Variants in CSMD1 observed in about 807,000 individuals in gnomAD.
The protein encoded by CSMD1 is CUB and Sushi multiple domains 1, also known as CUB and sushi domain-containing protein 1.
Under a neutral mutation model 417.5 loss-of-function variants are expected in CSMD1, and 213 were observed. The ratio of observed to expected loss-of-function variants is 0.51; its 90% CI spans 0.46 to 0.57. CSMD1 has a LOEUF of 0.57. CSMD1 is among the 20% of genes least tolerant of loss of function. The pLI, the probability that CSMD1 is intolerant of heterozygous loss-of-function variation, is 0.00. For missense variants in CSMD1, 6,923 were observed against 4,529.7 expected, an observed-to-expected ratio of 1.53 and a Z score of -15.17; for synonymous variants, 2,862 against 1,736.8, an observed-to-expected ratio of 1.65 and a Z score of -16.11.
At chr8:4,068,655 T>TA (rs1043716161) in intron 3 of CSMD1, among the ~76,000 whole-genome samples, 79 of 151,818 alleles carry the variant, frequency 5.2e-4, no homozygotes, top group African/African-American at 1.1e-3. Context: ...GAGTTTAAGA[T>TA]AAAAAAAATG....
chr8:4,758,181 C>A (rs1329799733), intron 1 of CSMD1, among the ~76,000 whole-genome samples: 3 of 152,086 alleles, frequency 2.0e-5, no homozygotes, highest in African/African-American at 7.2e-5. Context: ...GCATTTCCTT[C>A]TGATAACAAG....
intron 3 of CSMD1, among the ~76,000 whole-genome samples, chr8:4,408,034 C>T (rs1314968882): frequency 1.3e-5 from 2 of 152,170 alleles, no homozygotes; most frequent in African/African-American, 2.4e-5. Context: ...ACTCACCCTC[C>T]TCCCCTCCCC....
chr8:4,952,327 G>A (rs904535905), intron 1 of CSMD1, among the ~76,000 whole-genome samples: 4 of 122,400 alleles, frequency 3.3e-5, no homozygotes, highest in Non-Finnish European at 6.9e-5. Flanking sequence ...TTTTGGGAAT[G>A]AAAACAAACC....
intron 2 of CSMD1, among the ~76,000 whole-genome samples, chr8:4,568,257 C>G (rs60176822): frequency 0.039 from 5,891 of 152,074 alleles, 334 homozygotes; most frequent in African/African-American, 0.13. Flanking sequence ...AGGGATTTCC[C>G]CTAATGCTAT....
chr8:4,717,812 G>A (rs950846675), intron 1 of CSMD1, among the ~76,000 whole-genome samples: 1 of 152,104 alleles, frequency 6.6e-6, no homozygotes, highest in African/African-American at 2.4e-5. Flanking sequence ...GACCCTTTCA[G>A]ATCTTACCGC....
At chr8:4,288,149 G>C (rs1249227684) in intron 3 of CSMD1, among the ~76,000 whole-genome samples, 1 of 152,076 alleles carries the variant, frequency 6.6e-6, no homozygotes, top group African/African-American at 2.4e-5. Context: ...GTTTGACTGA[G>C]AAAAGAAAAC....
At chr8:4,280,718 G>A (rs1397201607) in intron 3 of CSMD1, among the ~76,000 whole-genome samples, 1 of 152,126 alleles carries the variant, frequency 6.6e-6, no homozygotes, top group Non-Finnish European at 1.5e-5. Flanking sequence ...TACCGTGTAA[G>A]CCATAAATAT....
chr8:4,817,006 G>A (rs1373859081), intron 1 of CSMD1, among the ~76,000 whole-genome samples: 3 of 152,180 alleles, frequency 2.0e-5, no homozygotes, highest in African/African-American at 4.8e-5. Context: ...TAAGAGCAGA[G>A]GGCTCAGAGG....
chr8:3,720,468 G>A lies in CSMD1; in HGVS notation c.932-11977C>T, dbSNP rs2720799. 4.4e-3 allele frequency among the ~76,000 whole-genome samples: 663 copies of A among 152,238 alleles called. 13 individuals carry two copies. In the East Asian group the frequency reaches 0.07, roughly 16 times the overall value. ...TCAACAGAATACATGTGTCCTTTCA[G>A]ATCTGTGAACAACACATTCAACAAT... On this transcript the variant is annotated intron_variant, in intron 6 of 69. Coordinates refer to ENST00000635120, the MANE Select transcript of CSMD1 (RefSeq NM_033225.6).
intron 1 of CSMD1, among the ~76,000 whole-genome samples, chr8:4,908,140 T>C (rs1805423097): frequency 6.6e-6 from 1 of 152,212 alleles, no homozygotes; most frequent in Admixed American, 6.5e-5. Flanking sequence ...TACAGAATTC[T>C]AGGTAGTTGT....
intron 8 of CSMD1, among the ~76,000 whole-genome samples, chr8:3,589,538 G>A (rs1016548615): frequency 6.6e-6 from 1 of 152,146 alleles, no homozygotes; most frequent in Non-Finnish European, 1.5e-5. Flanking sequence ...AGAAAGACAA[G>A]TACTGCATGA....
At chr8:3,939,904 G>C (rs1257217315) in intron 5 of CSMD1, among the ~76,000 whole-genome samples, 1 of 151,942 alleles carries the variant, frequency 6.6e-6, no homozygotes. Flanking sequence ...CTACATATTG[G>C]GTTCACTGTA....
At chr8:4,017,402 T>G (rs1796574654) in intron 4 of CSMD1, among the ~76,000 whole-genome samples, 1 of 152,096 alleles carries the variant, frequency 6.6e-6, no homozygotes, top group Non-Finnish European at 1.5e-5. Flanking sequence ...GCCTCCCGGG[T>G]TCAATCGATT....
At position 4,861,650 on chromosome 8, in the gene CSMD1, A is replaced by G. The variant is rs144977690; in HGVS notation, c.85+132682T>C. ...TGTCTAAAATATATATGCATTTAAA[A>G]CTTTGTGGTATTTTCTACCACATAA... On this transcript the variant is annotated intron_variant, in intron 1 of 69. Coordinates refer to ENST00000635120, the MANE Select transcript of CSMD1 (RefSeq NM_033225.6). Among the ~76,000 whole-genome samples, 42 of 152,244 alleles carry G rather than the reference A, an allele frequency of 2.8e-4. 1 individual carries two copies. Among genetic ancestry groups the G allele is most frequent in the African/African-American group, 9.6e-4 (40 of 41,506 alleles).
intron 26 of CSMD1, among the ~76,000 whole-genome samples, chr8:3,269,923 C>T (rs756048400): frequency 1.2e-4 from 19 of 152,064 alleles, no homozygotes; most frequent in Non-Finnish European, 2.4e-4. Context: ...TTTAGTCTTC[C>T]ATAAAGTGAA....
At chr8:4,884,861 C>G (rs976101395) in intron 1 of CSMD1, among the ~76,000 whole-genome samples, 12 of 152,054 alleles carry the variant, frequency 7.9e-5, no homozygotes, top group Non-Finnish European at 4.4e-5. Context: ...TCTTGAATTT[C>G]AACATAAATT....
chr8:4,985,680 C>A (rs1399364692), intron 1 of CSMD1, among the ~76,000 whole-genome samples: 1 of 152,060 alleles, frequency 6.6e-6, no homozygotes, highest in Non-Finnish European at 1.5e-5. Flanking sequence ...CCTGAATTTC[C>A]CTTGATATTA....
intron 3 of CSMD1, among the ~76,000 whole-genome samples, chr8:4,140,083 T>G (rs77245129): frequency 0.3 from 45,018 of 150,374 alleles, 8,400 homozygotes; most frequent in Non-Finnish European, 0.39. Flanking sequence ...CCAGGTACAG[T>G]TACTCATGCC....
chr8:4,562,225 G>A (rs1250540883), intron 2 of CSMD1, among the ~76,000 whole-genome samples: 5 of 152,104 alleles, frequency 3.3e-5, no homozygotes, highest in Non-Finnish European at 2.9e-5. Context: ...TGGAAGAAAC[G>A]ACACACCGGT....
Sources: gnomAD v4.1 joint callset for allele counts (sites outside exome capture counted in the v4.1 genomes callset) on GRCh38, gnomAD v4.1.1 for gene constraint, MANE v1.5 for transcripts, NCBI Gene and HGNC (gene_info 2026-07-23, HGNC 2026-07-21) for gene names.